Variants in CHST11 observed in about 807,000 individuals in gnomAD.
CHST11 encodes the protein carbohydrate sulfotransferase 11.
Under a neutral mutation model 30.4 loss-of-function variants are expected in CHST11, and 9 were observed. The ratio of observed to expected loss-of-function variants is 0.30; its 90% CI spans 0.18 to 0.52. CHST11 has a LOEUF of 0.52. Ranked by LOEUF, CHST11 falls within the 20% of genes least tolerant of loss-of-function variation. CHST11 has a pLI of 0.97. For missense variants in CHST11, 348 were observed against 460.6 expected, an observed-to-expected ratio of 0.76 and a Z score of 2.24; for synonymous variants, 152 against 187.8, an observed-to-expected ratio of 0.81 and a Z score of 1.56.
chr12:104,740,181 A>G (rs2040335567), intron 2 of CHST11, among the ~76,000 whole-genome samples: 1 of 152,184 alleles, frequency 6.6e-6, no homozygotes, highest in African/African-American at 2.4e-5. Context: ...GAGCTCTGAA[A>G]TCAGGCCAGC....
intron 2 of CHST11, among the ~76,000 whole-genome samples, chr12:104,652,357 C>T (rs904267824): frequency 1.5e-4 from 23 of 152,166 alleles, no homozygotes; most frequent in Admixed American, 3.9e-4. Context: ...GAGTTGAGCC[C>T]GTGGGCTCCT....
At chr12:104,605,396 G>A (rs1317332165) in intron 2 of CHST11, among the ~76,000 whole-genome samples, 2 of 151,960 alleles carry the variant, frequency 1.3e-5, no homozygotes, top group African/African-American at 4.8e-5. Context: ...TGGCTAACAC[G>A]GCGAAACCCC....
chr12:104,693,930 AT>A (rs1369613695), intron 2 of CHST11, among the ~76,000 whole-genome samples: 1 of 152,192 alleles, frequency 6.6e-6, no homozygotes, highest in East Asian at 1.9e-4. Context: ...CAGATAGTAA[AT>A]ATTTTAGATT....
chr12:104,485,990 G>A (rs909864536), intron 1 of CHST11, among the ~76,000 whole-genome samples: 1 of 152,064 alleles, frequency 6.6e-6, no homozygotes, highest in Non-Finnish European at 1.5e-5. Context: ...TTCTGTGTGC[G>A]TGTGTGTGTG....
Position 104,729,738 on chromosome 12 carries a change from C to T in CHST11, c.205-27211C>T, listed in dbSNP as rs312161. 0.58 allele frequency among the ~76,000 whole-genome samples: 87,094 copies of T among 151,464 alleles called. 25,859 individuals are homozygous for T. Among genetic ancestry groups the T allele is most frequent in the East Asian group, 0.98 (5,056 of 5,134 alleles). On this transcript the variant is annotated intron_variant, in intron 2 of 2. Transcript: ENST00000303694. This position sits in a 1 kb window ranked among gnomAD's most constrained non-coding sequence, Gnocchi z 4.0. ...GGTGGCCTGGTGAAGTGCCGTGTAC[C>T]TAGGAGTTGAGGGGGAGCTCGATGG...
intron 1 of CHST11, among the ~76,000 whole-genome samples, chr12:104,534,029 A>G (rs2038211832): frequency 6.6e-6 from 1 of 151,394 alleles, no homozygotes; most frequent in South Asian, 2.1e-4. Context: ...GGGTTAGTAG[A>G]GATGCATTTT....
intron 2 of CHST11, among the ~76,000 whole-genome samples, chr12:104,717,691 A>T (rs1235054444): frequency 1.3e-5 from 2 of 152,162 alleles, no homozygotes; most frequent in African/African-American, 4.8e-5. Flanking sequence ...GAATCACTTG[A>T]ACTTGGGAGG....
At chr12:104,571,524 T>C (rs1317462532) in intron 1 of CHST11, among the ~76,000 whole-genome samples, 1 of 152,192 alleles carries the variant, frequency 6.6e-6, no homozygotes, top group Non-Finnish European at 1.5e-5. Context: ...TGTCAGTGCT[T>C]GTAGACACAG....
chr12:104,598,104 C>G (rs1695959009), intron 1 of CHST11, among the ~76,000 whole-genome samples: 2 of 152,242 alleles, frequency 1.3e-5, no homozygotes, highest in Non-Finnish European at 2.9e-5. Context: ...CTGCCACCAT[C>G]TGGGCCTTGG....
chr12:104,662,565 A>G (rs2039607205), intron 2 of CHST11, among the ~76,000 whole-genome samples: 1 of 152,214 alleles, frequency 6.6e-6, no homozygotes, highest in South Asian at 2.1e-4. Flanking sequence ...GCAATGAAAT[A>G]TGGATCGTGT....
intron 2 of CHST11, among the ~76,000 whole-genome samples, chr12:104,627,729 T>C (rs1376434093): frequency 2.0e-5 from 3 of 152,186 alleles, no homozygotes; most frequent in African/African-American, 2.4e-5. Context: ...CAAATCAGGA[T>C]TGTAGAAGAT....
intron 2 of CHST11, among the ~76,000 whole-genome samples, chr12:104,751,508 C>T (rs1479518897): frequency 6.6e-6 from 1 of 152,174 alleles, no homozygotes; most frequent in Non-Finnish European, 1.5e-5. Flanking sequence ...TTTTCCTATT[C>T]AAAATAATTA....
chr12:104,737,622 G>A (rs1001972901), intron 2 of CHST11, among the ~76,000 whole-genome samples: 5 of 152,300 alleles, frequency 3.3e-5, no homozygotes, highest in East Asian at 1.9e-4. Context: ...TCCAGATCTC[G>A]CATTGACCCT....
chr12:104,499,887 G>T (rs911262749), intron 1 of CHST11, among the ~76,000 whole-genome samples: 2 of 152,166 alleles, frequency 1.3e-5, no homozygotes, highest in South Asian at 2.1e-4. Context: ...CCTGCACCTG[G>T]TACAGCCAGC....
chr12:104,620,350 A>T (rs7305692), intron 2 of CHST11, among the ~76,000 whole-genome samples: 2,827 of 152,326 alleles, frequency 0.019, 57 homozygotes, highest in African/African-American at 0.05. Context: ...GAACTGGCAG[A>T]TACTAGGGGA....
chr12:104,593,130 G>A (rs1374109979), intron 1 of CHST11, among the ~76,000 whole-genome samples: 3 of 144,762 alleles, frequency 2.1e-5, no homozygotes, highest in African/African-American at 7.9e-5. Flanking sequence ...CATATGCCAA[G>A]TTTAATTCAC....
intron 1 of CHST11, among the ~76,000 whole-genome samples, chr12:104,585,723 A>G (rs1439788336): frequency 6.6e-6 from 1 of 152,184 alleles, no homozygotes; most frequent in East Asian, 1.9e-4. Context: ...AAACCACAGA[A>G]ATTTGTTCTC....
chr12:104,570,588 T>C lies in CHST11; in HGVS notation c.119-31318T>C, dbSNP rs143650949. 8.8e-3 allele frequency among the ~76,000 whole-genome samples: 1,335 copies of C among 152,242 alleles called. 17 individuals carry two copies. The highest frequency in any genetic ancestry group is 0.024 in the Middle Eastern group (7 of 294). ...TTAGTATTAGGGATACAGAAGTGGA[T>C]ACACAAGATTCTTGCCTTCAAGCAA... is the stretch of plus-strand genomic sequence containing the variant. On this transcript the variant is annotated intron_variant, in intron 1 of 2. Transcript: ENST00000303694.
intron 1 of CHST11, among the ~76,000 whole-genome samples, chr12:104,497,042 C>T (rs2037803911): frequency 6.6e-6 from 1 of 152,216 alleles, no homozygotes; most frequent in South Asian, 2.1e-4. Context: ...TGGGACCTCT[C>T]CTGGATATCA....
Sources: allele counts gnomAD v4.1 joint callset (sites outside exome capture counted in the v4.1 genomes callset), GRCh38; gene constraint gnomAD v4.1.1; non-coding constraint Gnocchi (gnomAD v3.1); transcripts MANE v1.5; gene names NCBI Gene and HGNC (gene_info 2026-07-23, HGNC 2026-07-21).